The following ADAMTSL3 variants were observed in gnomAD, a reference collection of about 807,000 sequenced individuals.
The protein encoded by ADAMTSL3 is ADAMTS like 3.
In ADAMTSL3, 128 loss-of-function variants were observed where a neutral mutation model predicts 201.7. That is an observed-to-expected ratio of 0.63 (90% CI 0.55 to 0.73). The LOEUF (loss-of-function observed/expected upper bound fraction) is 0.73. ADAMTSL3 is among the 30% of genes least tolerant of loss of function. The pLI is 0.00. For synonymous variants in ADAMTSL3, 738 were observed against 748.4 expected, an observed-to-expected ratio of 0.99 and a Z score of 0.23; for missense variants, 1,990 against 2,119.6, an observed-to-expected ratio of 0.94 and a Z score of 1.20.
intron 19 of ADAMTSL3, among the ~76,000 whole-genome samples, chr15:83,948,411 T>TACACACACACACACACAC (rs72124987): frequency 2.2e-3 from 320 of 145,728 alleles, no homozygotes; most frequent in Middle Eastern, 0.017. Flanking sequence ...AAAGCTTATT[T>TACACACACACACACACAC]ACACACACAC....
intron 3 of ADAMTSL3, among the ~76,000 whole-genome samples, chr15:83,706,755 C>T (rs1402982061): frequency 6.6e-6 from 1 of 151,584 alleles, no homozygotes; most frequent in Non-Finnish European, 1.5e-5. Flanking sequence ...AGGTGATCCT[C>T]CTGCCTCAGC....
intron 5 of ADAMTSL3, among the ~76,000 whole-genome samples, chr15:83,805,373 T>C (rs1457686376): frequency 6.6e-6 from 1 of 151,878 alleles, no homozygotes; most frequent in Non-Finnish European, 1.5e-5. Context: ...ACCTGGCCAA[T>C]GTGGTGAAAT....
chr15:83,758,343 C>T lies in ADAMTSL3; in HGVS notation c.190-15180C>T, dbSNP rs142933843. 1.8e-3 allele frequency among the ~76,000 whole-genome samples: 273 copies of T among 152,206 alleles called. 7 individuals are homozygous for T. The East Asian group carries it at 0.022, about 12-fold the overall frequency. On this transcript the variant is annotated intron_variant, in intron 3 of 29. Coordinates refer to ENST00000286744, the MANE Select transcript of ADAMTSL3 (RefSeq NM_207517.3). The stretch of plus-strand genomic sequence containing the variant: ...GTGGCAGGCAAAGAGAGAATGTGTG[C>T]GGGGAAAATCCCCTTTATAAAACTG...
In ADAMTSL3 at chr15:83,684,641, G is replaced by A. The variant is rs113845568; in HGVS notation, c.70-19748G>A. Among the ~76,000 whole-genome samples, 145 of 152,248 alleles carry A rather than the reference G, an allele frequency of 9.5e-4. 2 individuals carry two copies. Among genetic ancestry groups the A allele is most frequent in the African/African-American group, 3.3e-3 (137 of 41,546 alleles). On this transcript the variant is annotated intron_variant, in intron 2 of 29. Transcript: ENST00000286744. ...AATTATACTGTGAGTATTCTGTAAC[G>A]TGCTTCAATTACTGGGCATTATGTT...
intron 21 of ADAMTSL3, among the ~76,000 whole-genome samples, chr15:83,985,095 A>G (rs1422050645): frequency 6.6e-6 from 1 of 152,212 alleles, no homozygotes; most frequent in African/African-American, 2.4e-5. Flanking sequence ...TTTTACCCAT[A>G]CAAGATTTTT....
chr15:83,920,641 TATTTTGGAAACAAAGAAC>T (rs1425415342), intron 16 of ADAMTSL3, among the ~76,000 whole-genome samples: 10 of 152,216 alleles, frequency 6.6e-5, no homozygotes, highest in African/African-American at 9.6e-5. Flanking sequence ...TGTATGTGTG[TATTTTGGAAACAAAGAAC>T]ATCGTTATAT....
chr15:83,864,898 T>C (rs1014228969), intron 8 of ADAMTSL3, among the ~76,000 whole-genome samples: 1 of 152,212 alleles, frequency 6.6e-6, no homozygotes, highest in Non-Finnish European at 1.5e-5. Flanking sequence ...CTTAAGCTGA[T>C]AGGCAACTTC....
At chr15:83,940,256 C>G (rs2066534045) in intron 17 of ADAMTSL3, among the ~76,000 whole-genome samples, 2 of 152,206 alleles carry the variant, frequency 1.3e-5, no homozygotes, top group Admixed American at 1.3e-4. Flanking sequence ...TGGGCTTTAT[C>G]TAATTTAGTT....
In ADAMTSL3 at chr15:83,983,007, G is replaced by A. The variant is rs147808860; in HGVS notation, c.3379G>A (p.Glu1127Lys). 140 of 1,614,120 alleles carry A rather than the reference G, an allele frequency of 8.7e-5. 1 individual carries two copies. The East Asian group carries it at 1.2e-3, about 14-fold the overall frequency. ...ASQLIYQLVA[E>K]LAKAQPTHMQ... ...CCAGCTGATATATCAGCTGGTGGCCGAATTAGCCAAGGCACAGCCAACACA... is the reference window on the plus strand; with the variant it reads ...CCAGCTGATATATCAGCTGGTGGCCAAATTAGCCAAGGCACAGCCAACACA... Residue 1127 changes from glutamate to lysine, a missense_variant, in exon 21 of 30, where the codon GAA (glutamate) becomes AAA (lysine). Coordinates refer to ENST00000286744, the MANE Select transcript of ADAMTSL3 (RefSeq NM_207517.3).
At chr15:83,983,655 C>T (rs1158144427) in intron 21 of ADAMTSL3, among the ~76,000 whole-genome samples, 1 of 152,122 alleles carries the variant, frequency 6.6e-6, no homozygotes, top group Non-Finnish European at 1.5e-5. Flanking sequence ...AATATAAGGC[C>T]ATTTTAAAAG....
chr15:83,830,166 C>T (rs1010432456), intron 6 of ADAMTSL3, among the ~76,000 whole-genome samples: 1 of 152,036 alleles, frequency 6.6e-6, no homozygotes, highest in Non-Finnish European at 1.5e-5. Context: ...GGGCATGGGG[C>T]AAAGGTGATG....
intron 20 of ADAMTSL3, among the ~76,000 whole-genome samples, chr15:83,973,771 A>G (rs936853880): frequency 3.3e-5 from 5 of 152,122 alleles, no homozygotes; most frequent in Non-Finnish European, 7.4e-5. Flanking sequence ...TCCTCCTCAG[A>G]TTAGAAATGT....
chr15:83,920,587 GA>G (rs2066121743), intron 16 of ADAMTSL3, among the ~76,000 whole-genome samples: 3 of 152,114 alleles, frequency 2.0e-5, no homozygotes, highest in African/African-American at 7.2e-5. Flanking sequence ...AGCAGAAAGA[GA>G]AAAAAATTAA....
intron 19 of ADAMTSL3, among the ~76,000 whole-genome samples, chr15:83,951,828 C>T (rs180843737): frequency 5.2e-4 from 79 of 152,112 alleles, no homozygotes; most frequent in African/African-American, 1.8e-3. Flanking sequence ...CTAATGATCC[C>T]TTGAATTTTG....
chr15:83,805,829 C>T (rs1220477513), intron 5 of ADAMTSL3, among the ~76,000 whole-genome samples: 8 of 152,230 alleles, frequency 5.3e-5, no homozygotes, highest in East Asian at 1.9e-4. Flanking sequence ...GGGAGGAGGG[C>T]GAAGTACTCT....
At chr15:83,708,994 C>T (rs1286665065) in intron 3 of ADAMTSL3, among the ~76,000 whole-genome samples, 1 of 152,146 alleles carries the variant, frequency 6.6e-6, no homozygotes, top group African/African-American at 2.4e-5. Context: ...GAGATATATC[C>T]AGGAGCTTCT....
intron 2 of ADAMTSL3, among the ~76,000 whole-genome samples, chr15:83,672,475 T>C (rs2061341158): frequency 6.6e-6 from 1 of 152,188 alleles, no homozygotes; most frequent in African/African-American, 2.4e-5. Context: ...AGCTGAGGGA[T>C]GACTGCCCAT....
At chr15:83,946,698 A>G (rs547783494) in intron 19 of ADAMTSL3, among the ~76,000 whole-genome samples, 5 of 152,348 alleles carry the variant, frequency 3.3e-5, no homozygotes, top group African/African-American at 1.2e-4. Flanking sequence ...CAGGAGAGGC[A>G]GATCGTTCAT....
chr15:83,868,329 A>G (rs142041649), intron 8 of ADAMTSL3, among the ~76,000 whole-genome samples: 109 of 152,372 alleles, frequency 7.2e-4, no homozygotes, highest in African/African-American at 6.0e-4. Flanking sequence ...AAAGGTATCC[A>G]TAAGTCAATA....
Sources: allele counts gnomAD v4.1 joint callset (sites outside exome capture counted in the v4.1 genomes callset), GRCh38; gene constraint gnomAD v4.1.1; transcripts MANE v1.5; gene names NCBI Gene and HGNC (gene_info 2026-07-23, HGNC 2026-07-21).